The following CSPG5 variants were observed in gnomAD, a reference collection of about 807,000 sequenced individuals.
CSPG5 encodes the protein chondroitin sulfate proteoglycan 5, also known as acidic leucine-rich EGF-like domain-containing brain protein.
CSPG5 carries 25 observed loss-of-function variants against 39.8 expected under a neutral mutation model. The ratio of observed to expected loss-of-function variants is 0.63; its 90% confidence interval spans 0.46 to 0.88. The LOEUF is 0.88. CSPG5 is among the 40% of genes least tolerant of loss of function. The pLI is 0.00. For missense variants in CSPG5, 627 were observed against 702.2 expected (o/e 0.89, Z 1.21); for synonymous variants, 295 against 303.9 (o/e 0.97, Z 0.31).
chr3:47,580,155 A>T (rs2031932079), upstream of CSPG5: 1 of 152,292 alleles, frequency 6.6e-6, no homozygotes, highest in Non-Finnish European at 1.5e-5. Flanking sequence ...CTCAGTTCTT[A>T]TCACCTTTCC....
chr3:47,574,858 G>T (rs2031649785), intron 2 of CSPG5, among the ~76,000 whole-genome samples: 2 of 152,238 alleles, frequency 1.3e-5, no homozygotes, highest in South Asian at 4.2e-4. Flanking sequence ...AGAATGGCAT[G>T]AACCTGGGAG....
intron 3 of CSPG5, among the ~76,000 whole-genome samples, chr3:47,570,051 A>T (rs565532324): frequency 1.3e-5 from 2 of 151,928 alleles, no homozygotes; most frequent in South Asian, 4.2e-4. Context: ...GCCCAGTCAA[A>T]TACTGTATTT....
chr3:47,577,201 C>T lies in CSPG5; in HGVS notation c.825G>A (p.Leu275=). ...FYPTTSFYDD[L]DEEEEEEEDD... The stretch of plus-strand genomic sequence containing the variant: ...CCTCCTCTTCCTCCTCCTCTTCATC[C>T]AAGTCATCATAAAAGGATGTGGTGG... Residue 275 remains leucine, a synonymous_variant, in exon 2 of 5, where the codon TTG becomes TTA. Transcript: ENST00000264723. The surrounding 1 kb of genome is among the most constrained non-coding windows in gnomAD (Gnocchi z 4.7). 1 of 1,607,800 alleles carries T rather than the reference C, an allele frequency of 6.2e-7. No individual in the cohort carries two copies. Among genetic ancestry groups the T allele is most frequent in the Non-Finnish European group, 8.5e-7 (1 of 1,176,866 alleles).
chr3:47,564,681 A>C (rs1283475244), intron 4 of CSPG5, among the ~76,000 whole-genome samples: 1 of 152,314 alleles, frequency 6.6e-6, no homozygotes, highest in East Asian at 1.9e-4. Flanking sequence ...TGAGACGGAA[A>C]GATCTCCATC....
rs1325429695 is a variant in CSPG5 at position 47,572,067 on chromosome 3, G to A, written c.1382+619C>T. ...GCCCTTAAAATCCACAGTAGAGGAA[G>A]TTAACCCTAGTTCTCCCCACATATT... On this transcript the variant is annotated intron_variant, in intron 3 of 4. Transcript: ENST00000264723. The surrounding 1 kb of genome is among the most constrained non-coding windows in gnomAD (Gnocchi z 4.5). 6.6e-6 allele frequency among the ~76,000 whole-genome samples: 1 copy of A among 152,186 alleles called. No homozygotes were observed. Among genetic ancestry groups the A allele is most frequent in the African/African-American group, 2.4e-5 (1 of 41,452 alleles).
chr3:47,575,896 T>C (rs1307191694), intron 2 of CSPG5, among the ~76,000 whole-genome samples: 2 of 150,778 alleles, frequency 1.3e-5, no homozygotes, highest in Admixed American at 6.6e-5. Flanking sequence ...CAGCCCTTTT[T>C]CCAAAACTCT....
intron 4 of CSPG5, among the ~76,000 whole-genome samples, chr3:47,567,453 T>C (rs1042460439): frequency 6.6e-6 from 1 of 152,210 alleles, no homozygotes; most frequent in African/African-American, 2.4e-5. Context: ...TAAGACATAG[T>C]GTTTCCTTGG....
chr3:47,579,278 G>A (rs1248289068), upstream of CSPG5: 1 of 152,316 alleles, frequency 6.6e-6, no homozygotes, highest in Non-Finnish European at 1.5e-5. The surrounding 1 kb of genome is among the most constrained non-coding windows in gnomAD (Gnocchi z 4.2). Flanking sequence ...GCGGAAGCAC[G>A]AGCCCCCACT....
At position 47,578,574 on chromosome 3, in the gene CSPG5, G is replaced by T; in HGVS notation, c.97+23C>A. On this transcript the variant is annotated intron_variant, in intron 1 of 4. Transcript: ENST00000264723. The surrounding 1 kb of genome is among the most constrained non-coding windows in gnomAD (Gnocchi z 6.0). Reference sequence around the variant, plus strand: ...TGGGTGGGGCACGAGGGCCGCGGGGGTCCCGGGCGCAGTCATACCTACCCG... The same window carrying T: ...TGGGTGGGGCACGAGGGCCGCGGGGTTCCCGGGCGCAGTCATACCTACCCG... The T allele has an allele frequency of 1.0e-6, 1 of 984,042 alleles. No homozygotes were observed. The highest frequency in any genetic ancestry group is 1.3e-6 in the Non-Finnish European group (1 of 782,776). The allele number at this position is 984,042 out of a possible 1,614,324, so 61.0% of individuals were successfully genotyped here.
chr3:47,562,879 A>T, intron 4 of CSPG5, 118 bp from the exon 5 acceptor site: 2 of 1,098,432 alleles, frequency 1.8e-6, no homozygotes, highest in Non-Finnish European at 2.5e-6. Flanking sequence ...AAGCTCCAAG[A>T]CTTGAATGAA....
intron 4 of CSPG5, among the ~76,000 whole-genome samples, chr3:47,567,651 G>C (rs1304590903): frequency 6.6e-6 from 1 of 152,132 alleles, no homozygotes; most frequent in Non-Finnish European, 1.5e-5. Context: ...CTGGGGTTTT[G>C]TGAATGAGGC....
In CSPG5 at chr3:47,578,316, GCCCCGGCCCCGCCCCGGCCCCGC is replaced by G. The variant is rs1265267416; in HGVS notation, c.97+258_97+280del. On this transcript the variant is annotated intron_variant, in intron 1 of 4. Coordinates refer to ENST00000264723, the MANE Select transcript of CSPG5 (RefSeq NM_006574.4). This position sits in a 1 kb window ranked among gnomAD's most constrained non-coding sequence, Gnocchi z 6.0. ...CCCCGAAGTCTCACCCTCAGGCCCC[GCCCCGGCCCCGCCCCGGCCCCGC>G]CCCCGGCCCCGCCCCCAGTCCGCAC... 2.6e-4 allele frequency among the ~76,000 whole-genome samples: 28 copies of G among 107,740 alleles called. No homozygotes were observed. Among genetic ancestry groups the G allele is most frequent in the Admixed American group, 6.9e-4 (8 of 11,532 alleles). 70.7% of individuals were successfully genotyped at this position (107,740 alleles called of 152,430 possible).
chr3:47,570,541 G>A (rs1380174880), intron 3 of CSPG5, among the ~76,000 whole-genome samples: 1 of 147,104 alleles, frequency 6.8e-6, no homozygotes, highest in East Asian at 2.0e-4. Context: ...ACAGAGTCTT[G>A]CTCTGTTGGC....
Position 47,563,105 on chromosome 3 carries a change from GC to G in CSPG5, c.1459-345del, listed in dbSNP as rs2031151548. 2.6e-5 allele frequency among the ~76,000 whole-genome samples: 4 copies of G among 152,210 alleles called. No homozygotes were observed. The South Asian group carries it at 8.3e-4, about 32-fold the overall frequency. On this transcript the variant is annotated intron_variant, in intron 4 of 4. Coordinates refer to ENST00000264723, the MANE Select transcript of CSPG5 (RefSeq NM_006574.4). ...CTCATGTGTTGATGAGCTCTGCGGG[GC>G]CTGCTGAGCCCGGCCTTCCTCTGGC...
chr3:47,571,379 C>T (rs1306809948), intron 3 of CSPG5, among the ~76,000 whole-genome samples: 3 of 152,228 alleles, frequency 2.0e-5, no homozygotes, highest in Non-Finnish European at 4.4e-5. Flanking sequence ...CTCCACTGCC[C>T]TGGCTGTTGT....
chr3:47,573,235 C>T (rs750206681), intron 2 of CSPG5, among the ~76,000 whole-genome samples: 1 of 152,188 alleles, frequency 6.6e-6, no homozygotes, highest in African/African-American at 2.4e-5. Flanking sequence ...CCTCTCAGGC[C>T]TCTCCCTGCC....
At position 47,578,785 on chromosome 3, in the gene CSPG5, G is replaced by T; in HGVS notation, c.-92C>A. ...CGCGCCTCCCGCCGGTTCTGCGGCCGCCTCAGCCCACGATGGGCAGCGCGA... is the reference window on the plus strand; with the variant it reads ...CGCGCCTCCCGCCGGTTCTGCGGCCTCCTCAGCCCACGATGGGCAGCGCGA... On this transcript the variant is annotated 5_prime_UTR_variant, in exon 1 of 5. Coordinates refer to ENST00000264723, the MANE Select transcript of CSPG5 (RefSeq NM_006574.4). The surrounding 1 kb of genome is among the most constrained non-coding windows in gnomAD (Gnocchi z 6.0). 1 of 194,278 alleles carries T rather than the reference G, an allele frequency of 5.1e-6. No homozygotes were observed. Among genetic ancestry groups the T allele is most frequent in the Non-Finnish European group, 9.2e-6 (1 of 109,024 alleles). 12.0% of individuals were successfully genotyped at this position (194,278 alleles called of 1,614,324 possible).
intron 4 of CSPG5, among the ~76,000 whole-genome samples, chr3:47,566,504 A>G (rs2031307264): frequency 6.6e-6 from 1 of 152,148 alleles, no homozygotes; most frequent in East Asian, 1.9e-4. Flanking sequence ...TGACCTTTGG[A>G]TGAGGTGGAG....
Position 47,577,006 on chromosome 3 carries a change from C to A in CSPG5, c.1020G>T (p.Arg340Ser). 6.2e-7 allele frequency: 1 copy of A among 1,613,106 alleles called. No homozygotes were observed. Among genetic ancestry groups the A allele is most frequent in the South Asian group, 1.1e-5 (1 of 90,964 alleles). Reference protein sequence around the residue: ...GSVPGSSIALRPRPGEPGRDL... With the variant: ...GSVPGSSIALSPRPGEPGRDL... Reference sequence around the variant, plus strand: ...CCCTGCCTGGCTCTCCTGGGCGGGGCCTGAGGGCGATGCTGCTGCCGGGGA... The same window carrying A: ...CCCTGCCTGGCTCTCCTGGGCGGGGACTGAGGGCGATGCTGCTGCCGGGGA... The change falls in exon 2 of 5, where the codon AGG becomes AGT. Residue 340 changes from arginine (R) to serine (S), a missense_variant. Transcript: ENST00000264723. This position sits in a 1 kb window ranked among gnomAD's most constrained non-coding sequence, Gnocchi z 4.7.
Sources: gnomAD v4.1 joint callset for allele counts (sites outside exome capture counted in the v4.1 genomes callset) on GRCh38, gnomAD v4.1.1 for gene constraint, Gnocchi (gnomAD v3.1) non-coding constraint, MANE v1.5 for transcripts, NCBI Gene and HGNC (gene_info 2026-07-23, HGNC 2026-07-21) for gene names.